LEP: variants seen among roughly 807,000 people sequenced by gnomAD.
The protein encoded by LEP is leptin (murine obesity homolog).
A neutral mutation model predicts 9.8 loss-of-function variants in LEP; 6 were observed. That is an observed-to-expected ratio of 0.61 (90% CI 0.34 to 1.21). The LOEUF (loss-of-function observed/expected upper bound fraction) is 1.21, where lower values mean the gene tolerates loss of function less well. LEP is among the 50% of genes most tolerant of loss of function. The pLI, the probability that LEP is intolerant of heterozygous loss-of-function variation, is 0.04. For missense variants in LEP, 134 were observed against 198.1 expected (o/e 0.68, Z 1.94); for synonymous variants, 112 against 81.7 (o/e 1.37, Z -2.00).
intron 1 of LEP, among the ~76,000 whole-genome samples, chr7:128,243,371 G>A (rs1795173645): frequency 6.6e-6 from 1 of 152,208 alleles, no homozygotes; most frequent in African/African-American, 2.4e-5. Flanking sequence ...AGGCTGGGGG[G>A]TTGCCAAGGA....
At chr7:128,250,188 C>T (rs950792806) in intron 1 of LEP, among the ~76,000 whole-genome samples, 1 of 152,342 alleles carries the variant, frequency 6.6e-6, no homozygotes, top group East Asian at 1.9e-4. Context: ...GGTTTCATGA[C>T]TTCGTATCGG....
In LEP at chr7:128,256,490, G is replaced by A. The variant is rs1280994071; in HGVS notation, c.*1727G>A. Reference sequence around the variant, plus strand: ...TGCCCTCAGGGATCTTGCATTCCCAGTGGTCAAACCGCACTCACCCATGTG... The same window carrying A: ...TGCCCTCAGGGATCTTGCATTCCCAATGGTCAAACCGCACTCACCCATGTG... On this transcript the variant is annotated 3_prime_UTR_variant, in exon 3 of 3. Transcript: ENST00000308868. 1 of 152,678 alleles carries A rather than the reference G, an allele frequency of 6.5e-6. No homozygotes were observed. The highest frequency in any genetic ancestry group is 2.4e-5 in the African/African-American group (1 of 41,470). The allele number at this position is 152,678 out of a possible 1,614,324, so 9.5% of individuals were successfully genotyped here.
At chr7:128,254,312 A>ATGAC in intron 2 of LEP, 92 bp from the exon 3 acceptor site, 1 of 1,546,926 alleles carries the variant, frequency 6.5e-7, no homozygotes, top group South Asian at 1.1e-5. Context: ...AGCCCAGAGA[A>ATGAC]TGACCCTCCA....
Position 128,256,146 on chromosome 7 carries a change from C to T in LEP, c.*1383C>T, listed in dbSNP as rs1266703741. 6.6e-6 allele frequency: 1 copy of T among 152,194 alleles called. No individual in the cohort carries two copies. The highest frequency in any genetic ancestry group is 1.5e-5 in the Non-Finnish European group (1 of 68,032). 9.4% of individuals were successfully genotyped at this position (152,194 alleles called of 1,614,324 possible). A position where few individuals can be genotyped will look rare whatever the true frequency, so the allele number is the denominator to read the frequency against. On this transcript the variant is annotated 3_prime_UTR_variant, in exon 3 of 3. Transcript: ENST00000308868. ...CCAAAAATCTTGGGGGGTTTTTACTCCAGTGGTGAAGAAAACTCCTTTAGC... is the reference window on the plus strand; with the variant it reads ...CCAAAAATCTTGGGGGGTTTTTACTTCAGTGGTGAAGAAAACTCCTTTAGC...
intron 1 of LEP, among the ~76,000 whole-genome samples, chr7:128,242,634 A>G (rs981181617): frequency 3.3e-5 from 5 of 152,196 alleles, no homozygotes; most frequent in Non-Finnish European, 7.3e-5. Flanking sequence ...TGGCTAAAGG[A>G]GCGTCCTCCT....
intron 1 of LEP, among the ~76,000 whole-genome samples, chr7:128,244,231 A>G (rs1795184332): frequency 7.2e-6 from 1 of 138,332 alleles, no homozygotes; most frequent in East Asian, 2.2e-4. Context: ...AGCCTGAGTG[A>G]CAGAGCAAGA....
chr7:128,251,054 CCT>C (rs1480498839), intron 1 of LEP, among the ~76,000 whole-genome samples: 1 of 152,146 alleles, frequency 6.6e-6, no homozygotes, highest in East Asian at 1.9e-4. Flanking sequence ...CTTTATACCC[CCT>C]GATTTCTCAG....
intron 2 of LEP, among the ~76,000 whole-genome samples, chr7:128,252,459 G>A (rs1036450766): frequency 6.6e-6 from 1 of 152,168 alleles, no homozygotes; most frequent in Non-Finnish European, 1.5e-5. Flanking sequence ...GCTGGGTGTG[G>A]TGGCTTGTAC....
At chr7:128,245,594 G>A (rs1213641244) in intron 1 of LEP, among the ~76,000 whole-genome samples, 2 of 152,240 alleles carry the variant, frequency 1.3e-5, no homozygotes, top group African/African-American at 4.8e-5. Context: ...TGTGTATAGG[G>A]AGAGGACTCA....
At chr7:128,254,348 T>C in intron 2 of LEP, 56 bp from the exon 3 acceptor site, 1 of 1,603,868 alleles carries the variant, frequency 6.2e-7, no homozygotes, top group Non-Finnish European at 8.5e-7. Context: ...CAGAGGGCTC[T>C]GAGAGCGATT....
chr7:128,247,447 T>G (rs1795224910), intron 1 of LEP, among the ~76,000 whole-genome samples: 1 of 152,122 alleles, frequency 6.6e-6, no homozygotes, highest in Admixed American at 6.5e-5. Flanking sequence ...CATTTGCTCC[T>G]CAGGGTGCAG....
intron 1 of LEP, among the ~76,000 whole-genome samples, chr7:128,248,929 A>T (rs1440126624): frequency 1.3e-5 from 2 of 152,266 alleles, no homozygotes; most frequent in Admixed American, 1.3e-4. Context: ...TATGTCAGGC[A>T]CTATGCTCAA....
chr7:128,246,929 G>A (rs1425256486), intron 1 of LEP, among the ~76,000 whole-genome samples: 1 of 152,136 alleles, frequency 6.6e-6, no homozygotes, highest in Non-Finnish European at 1.5e-5. Context: ...AGAGAGAAGT[G>A]GGCCATGAGG....
chr7:128,251,961 C>G, intron 1 of LEP, 30 bp from the exon 2 acceptor site: 1 of 1,579,560 alleles, frequency 6.3e-7, no homozygotes, highest in African/African-American at 1.3e-5. Context: ...ATACCGGCTC[C>G]TTGCAGTGTG....
At chr7:128,243,169 T>C (rs1010472275) in intron 1 of LEP, among the ~76,000 whole-genome samples, 25 of 152,224 alleles carry the variant, frequency 1.6e-4, no homozygotes, top group Non-Finnish European at 2.5e-4. Flanking sequence ...CACAGACTCC[T>C]TTGCACTTAT....
At position 128,254,472 on chromosome 7, in the gene LEP, C is replaced by T. The variant is rs200187656; in HGVS notation, c.213C>T (p.Thr71=). The change falls in exon 3 of 3, where the codon ACC becomes ACT. Residue 71 remains threonine, a synonymous_variant. Coordinates refer to ENST00000308868, the MANE Select transcript of LEP (RefSeq NM_000230.3). ...DFIPGLHPIL[T]LSKMDQTLAV... The stretch of plus-strand genomic sequence containing the variant: ...TTCCTGGGCTCCACCCCATCCTGAC[C>T]TTATCCAAGATGGACCAGACACTGG... 2.5e-6 allele frequency: 4 copies of T among 1,614,058 alleles called. No individual in the cohort carries two copies. The highest frequency in any genetic ancestry group is 3.4e-6 in the Non-Finnish European group (4 of 1,179,932).
intron 1 of LEP, among the ~76,000 whole-genome samples, chr7:128,246,865 C>A (rs1294109135): frequency 6.6e-6 from 1 of 152,058 alleles, no homozygotes; most frequent in Non-Finnish European, 1.5e-5. Flanking sequence ...GGCAGCCAGG[C>A]CTTGATTAAA....
rs201995159 is a variant in LEP at position 128,255,157 on chromosome 7, G to A, written c.*394G>A. The A allele has an allele frequency of 8.7e-6, 2 of 230,800 alleles. No individual in the cohort carries two copies. The highest frequency in any genetic ancestry group is 1.8e-5 in the Non-Finnish European group (2 of 114,160). 14.3% of individuals were successfully genotyped at this position (230,800 alleles called of 1,614,324 possible). A position where few individuals can be genotyped will look rare whatever the true frequency, so the allele number is the denominator to read the frequency against. ...GGTAGGCAGAGCCTTTGGATGACCA[G>A]AACAAGGTTCCCTCTGAGAATTCCA... On this transcript the variant is annotated 3_prime_UTR_variant, in exon 3 of 3. Coordinates refer to ENST00000308868, the MANE Select transcript of LEP (RefSeq NM_000230.3).
At chr7:128,252,272 G>C in intron 2 of LEP, 110 bp downstream of exon 2, 1 of 1,190,710 alleles carries the variant, frequency 8.4e-7, no homozygotes, top group Non-Finnish European at 1.2e-6. Flanking sequence ...CCTCCTGAAT[G>C]CCAGGCACCT....
Sources: allele counts gnomAD v4.1 joint callset (sites outside exome capture counted in the v4.1 genomes callset), GRCh38; gene constraint gnomAD v4.1.1; transcripts MANE v1.5; gene names NCBI Gene and HGNC (gene_info 2026-07-23, HGNC 2026-07-21).